The following SEMA4F variants were observed in gnomAD, a reference collection of about 807,000 sequenced individuals.
The protein encoded by SEMA4F is semaphorin-4F.
SEMA4F carries 51 observed loss-of-function variants against 78.4 expected under a neutral mutation model. The observed-to-expected ratio is 0.65, with a 90% CI of 0.52 to 0.82. SEMA4F has a LOEUF of 0.82. SEMA4F is among the 40% of genes least tolerant of loss of function. SEMA4F has a pLI of 0.00. For missense variants in SEMA4F, 938 were observed against 1,014.4 expected, an observed-to-expected ratio of 0.92 and a Z score of 1.02; for synonymous variants, 418 against 408.7, an observed-to-expected ratio of 1.02 and a Z score of -0.27.
Position 74,675,616 on chromosome 2 carries a change from G to C in SEMA4F, c.1464G>C (p.Glu488Asp). ...LALFPEPQPV[E>D]NMKLYHSWLL... The stretch of plus-strand genomic sequence containing the variant: ...TATTCCCAGAGCCACAGCCAGTTGA[G>C]AACATGAAATTGTACCACGTGAGTT... Residue 488 changes from glutamate to aspartate, a missense_variant, in exon 11 of 14, where the codon GAG (glutamate) becomes GAC (aspartate). Glu to Asp is a conservative substitution (Grantham distance 45). Coordinates refer to ENST00000357877, the MANE Select transcript of SEMA4F (RefSeq NM_004263.5). The C allele has an allele frequency of 6.2e-7, 1 of 1,614,136 alleles. No homozygotes were observed. Among genetic ancestry groups the C allele is most frequent in the Non-Finnish European group, 8.5e-7 (1 of 1,179,968 alleles).
At chr2:74,693,239 T>A in the SEMA4F span, among the ~76,000 whole-genome samples, 2 of 152,270 alleles carry the variant, frequency 1.3e-5, no homozygotes, top group Admixed American at 1.3e-4. Context: ...GCTTGATATT[T>A]CTTATTTTAA....
At chr2:74,698,591 T>G in the SEMA4F span, among the ~76,000 whole-genome samples, 2 of 152,216 alleles carry the variant, frequency 1.3e-5, no homozygotes, top group African/African-American at 4.8e-5. Flanking sequence ...CCTCAAAGGA[T>G]ATCTCGTTAG....
chr2:74,676,045 G>C lies in SEMA4F; in HGVS notation c.1643+136G>C, dbSNP rs543964116. The C allele has an allele frequency of 3.9e-4, 354 of 896,756 alleles. 3 individuals are homozygous for C. In the South Asian group the frequency reaches 6.1e-3, roughly 16 times the overall value. 55.5% of individuals were successfully genotyped at this position (896,756 alleles called of 1,614,324 possible). ...CTGTCTGTTAGTGTCTACATCACTC[G>C]TGTGTCCTTCTGTCAGTCCATACTA... On this transcript the variant is annotated intron_variant, in intron 12 of 13. Transcript: ENST00000357877.
chr2:74,695,395 C>A, the SEMA4F span, among the ~76,000 whole-genome samples: 5 of 152,212 alleles, frequency 3.3e-5, no homozygotes, highest in Non-Finnish European at 5.9e-5. Flanking sequence ...AGAGCACTCC[C>A]CTGTCTGGAC....
chr2:74,709,220 A>C, the SEMA4F span, among the ~76,000 whole-genome samples: 2 of 152,260 alleles, frequency 1.3e-5, no homozygotes, highest in Admixed American at 6.5e-5. Flanking sequence ...AAGACAAGAC[A>C]GAATGAGAGA....
In SEMA4F at chr2:74,658,046, C is replaced by T. The variant is rs912766903; in HGVS notation, c.456+95C>T. On this transcript the variant is annotated intron_variant, in intron 4 of 13. Transcript: ENST00000357877. The surrounding 1 kb of genome is among the most constrained non-coding windows in gnomAD (Gnocchi z 4.3). ...GAGGATGGGAAGGGTTTTCTGTGAGCGACCATGATGGGGGCATGGTCAAGG... is the reference window on the plus strand; with the variant it reads ...GAGGATGGGAAGGGTTTTCTGTGAGTGACCATGATGGGGGCATGGTCAAGG... The T allele has an allele frequency of 9.9e-6, 11 of 1,111,418 alleles. No homozygotes were observed. Among genetic ancestry groups the T allele is most frequent in the African/African-American group, 7.7e-5 (5 of 65,154 alleles). The allele number at this position is 1,111,418 out of a possible 1,614,324, so 68.8% of individuals were successfully genotyped here. A position where few individuals can be genotyped will look rare whatever the true frequency, so the allele number is the denominator to read the frequency against.
intron 5 of SEMA4F, among the ~76,000 whole-genome samples, chr2:74,666,937 A>G (rs1684725970): frequency 6.6e-6 from 1 of 152,202 alleles, no homozygotes; most frequent in Admixed American, 6.5e-5. Context: ...AGAAGAAAGT[A>G]AAAATGTTAT....
At chr2:74,654,643 G>A in intron 1 of SEMA4F, 122 bp downstream of exon 1, 2 of 818,616 alleles carry the variant, frequency 2.4e-6, no homozygotes, top group Non-Finnish European at 3.5e-6. Context: ...GTTTCACGCC[G>A]CCCACGCCCC....
At chr2:74,687,804 G>A (rs1354084551), downstream of SEMA4F, among the ~76,000 whole-genome samples, 10 of 152,164 alleles carry the variant, frequency 6.6e-5, no homozygotes, top group East Asian at 1.9e-4. Context: ...TCTGTGTTCC[G>A]AACTCCATCC....
At chr2:74,695,533 G>A in the SEMA4F span, among the ~76,000 whole-genome samples, 1 of 152,152 alleles carries the variant, frequency 6.6e-6, no homozygotes, top group Non-Finnish European at 1.5e-5. Context: ...ACCCTCAACA[G>A]AAGTAAATCC....
chr2:74,664,886 C>T (rs944514215), intron 5 of SEMA4F, among the ~76,000 whole-genome samples: 2 of 152,130 alleles, frequency 1.3e-5, no homozygotes, highest in Non-Finnish European at 2.9e-5. Context: ...ACTTAAAGAG[C>T]AGATAACATT....
In SEMA4F at chr2:74,679,860, G is replaced by C. The variant is rs140418530; in HGVS notation, c.1964G>C (p.Arg655Pro). The C allele has an allele frequency of 1.2e-6, 2 of 1,614,186 alleles. No homozygotes were observed. Among genetic ancestry groups the C allele is most frequent in the Admixed American group, 3.3e-5 (2 of 60,032 alleles). The change falls in exon 14 of 14, where the codon CGG (arginine) becomes CCG (proline). Residue 655 changes from arginine (R) to proline (P), a missense_variant. Physicochemically the swap from Arg to Pro is moderately radical, Grantham distance 103. Coordinates refer to ENST00000357877, the MANE Select transcript of SEMA4F (RefSeq NM_004263.5). ...VWGSQRDAPS[R>P]AHTVGAGLAG... ...GGCAGCCAGCGAGATGCTCCGAGCC[G>C]GGCCCACACAGTGGGGGCGGGACTG...
intron 5 of SEMA4F, among the ~76,000 whole-genome samples, chr2:74,666,172 C>A (rs10200211): frequency 1.3e-5 from 2 of 152,164 alleles, no homozygotes; most frequent in Non-Finnish European, 2.9e-5. Flanking sequence ...TCTTAAAATG[C>A]TGGGATTACA....
At chr2:74,659,503 G>T (rs1573228658) in intron 4 of SEMA4F, among the ~76,000 whole-genome samples, 1 of 152,068 alleles carries the variant, frequency 6.6e-6, no homozygotes, top group East Asian at 1.9e-4. Flanking sequence ...TGAAGCCAGG[G>T]GTCTGTGTCC....
At position 74,654,541 on chromosome 2, in the gene SEMA4F, G is replaced by A; in HGVS notation, c.145+20G>A. 2 of 1,517,458 alleles carry A rather than the reference G, an allele frequency of 1.3e-6. No individual in the cohort carries two copies. Among genetic ancestry groups the A allele is most frequent in the South Asian group, 1.2e-5 (1 of 80,236 alleles). 94.0% of individuals were successfully genotyped at this position (1,517,458 alleles called of 1,614,324 possible). ...TCTCTGGTAAGGCGCGGACGCCCAC[G>A]CCCTCAGCCCTTCGCGCCCACACCC... is the stretch of plus-strand genomic sequence containing the variant. On this transcript the variant is annotated intron_variant, in intron 1 of 13. Coordinates refer to ENST00000357877, the MANE Select transcript of SEMA4F (RefSeq NM_004263.5).
At position 74,681,873 on chromosome 2, in the gene SEMA4F, G is replaced by C. The variant is rs929380398; in HGVS notation, c.*1664G>C. ...GCAGCAGCCTGTGAACTACTCAAAAGAGTCCCCTTGGGTTTGGAATTATCA... is the reference window on the plus strand; with the variant it reads ...GCAGCAGCCTGTGAACTACTCAAAACAGTCCCCTTGGGTTTGGAATTATCA... On this transcript the variant is annotated 3_prime_UTR_variant, in exon 14 of 14. Transcript: ENST00000357877. 4 of 152,578 alleles carry C rather than the reference G, an allele frequency of 2.6e-5. No homozygotes were observed. Among genetic ancestry groups the C allele is most frequent in the African/African-American group, 9.7e-5 (4 of 41,432 alleles). The allele number at this position is 152,578 out of a possible 1,614,324, so 9.5% of individuals were successfully genotyped here.
chr2:74,680,310 G>A lies in SEMA4F; in HGVS notation c.*101G>A. 1 of 1,371,536 alleles carries A rather than the reference G, an allele frequency of 7.3e-7. No homozygotes were observed. The highest frequency in any genetic ancestry group is 9.9e-7 in the Non-Finnish European group (1 of 1,010,758). 85.0% of individuals were successfully genotyped at this position (1,371,536 alleles called of 1,614,324 possible). A position where few individuals can be genotyped will look rare whatever the true frequency, so the allele number is the denominator to read the frequency against. Reference sequence around the variant, plus strand: ...CCTGGAAGACCATCCCAGCCTCTGAGTTCTCTTTGAGTATGAGTGATTACT... The same window carrying A: ...CCTGGAAGACCATCCCAGCCTCTGAATTCTCTTTGAGTATGAGTGATTACT... On this transcript the variant is annotated 3_prime_UTR_variant, in exon 14 of 14. Transcript: ENST00000357877.
At chr2:74,709,111 G>A in the SEMA4F span, among the ~76,000 whole-genome samples, 2 of 152,320 alleles carry the variant, frequency 1.3e-5, no homozygotes, top group South Asian at 4.1e-4. Context: ...GTTGCGGTGA[G>A]CTGTGATTGC....
chr2:74,654,906 CCT>C (rs1308036736), intron 1 of SEMA4F, among the ~76,000 whole-genome samples: 2 of 152,232 alleles, frequency 1.3e-5, no homozygotes, highest in Admixed American at 6.5e-5. Context: ...CCCTTAGTCC[CCT>C]GTTTCCCCGC....
Sources: allele counts gnomAD v4.1 joint callset (sites outside exome capture counted in the v4.1 genomes callset), GRCh38; gene constraint gnomAD v4.1.1; non-coding constraint Gnocchi (gnomAD v3.1); transcripts MANE v1.5; gene names NCBI Gene and HGNC (gene_info 2026-07-23, HGNC 2026-07-21).